LRRC38: variants seen among roughly 807,000 people sequenced by gnomAD.
LRRC38 encodes leucine rich repeat containing 38, also known as leucine-rich repeat-containing protein 38.
In LRRC38, 5 loss-of-function variants were observed where a neutral mutation model predicts 16.4. The observed-to-expected ratio is 0.31, with a 90% CI of 0.16 to 0.64. The LOEUF (loss-of-function observed/expected upper bound fraction) is 0.64, where lower values mean the gene tolerates loss of function less well. Ranked by LOEUF, LRRC38 falls within the 30% of genes least tolerant of loss-of-function variation. The probability of loss-of-function intolerance (pLI) is 0.80; values close to 1 mark genes in which losing one functional copy is unlikely to be tolerated. For synonymous variants in LRRC38, 191 were observed against 190.2 expected (o/e 1.00, Z -0.04); for missense variants, 341 against 401.8 (o/e 0.85, Z 1.29).
intron 1 of LRRC38, among the ~76,000 whole-genome samples, chr1:13,506,507 G>C (rs1056098000): frequency 1.3e-5 from 2 of 152,166 alleles, no homozygotes; most frequent in Non-Finnish European, 2.9e-5. Flanking sequence ...GCCCAGGCTG[G>C]AGTGCAGTGG....
chr1:13,476,305 G>C (rs1331991329), intron 1 of LRRC38, among the ~76,000 whole-genome samples: 1 of 150,450 alleles, frequency 6.6e-6, no homozygotes, highest in Non-Finnish European at 1.5e-5. Context: ...GTTGGAACGT[G>C]CTGGTCTTCA....
chr1:13,492,715 A>G (rs956458263), intron 1 of LRRC38, among the ~76,000 whole-genome samples: 1 of 152,168 alleles, frequency 6.6e-6, no homozygotes, highest in Non-Finnish European at 1.5e-5. Flanking sequence ...AAAGAAAAAA[A>G]AAAGGACTTT....
intron 1 of LRRC38, among the ~76,000 whole-genome samples, chr1:13,493,026 C>T (rs1329487955): frequency 6.6e-6 from 1 of 152,234 alleles, no homozygotes; most frequent in Non-Finnish European, 1.5e-5. Context: ...CTGTGTGCGA[C>T]AGTCATTCCA....
At chr1:13,488,197 C>T (rs1236315542) in intron 1 of LRRC38, among the ~76,000 whole-genome samples, 1 of 151,284 alleles carries the variant, frequency 6.6e-6, no homozygotes, top group Non-Finnish European at 1.5e-5. Context: ...CCATGATTTA[C>T]TTACCCAACC....
Position 13,513,055 on chromosome 1 carries a change from G to A in LRRC38, c.539C>T (p.Ser180Phe). ...CCAGGGGTTCCCGTCCAGACGCAGG[G>A]AGCGCAGCGCGGGCAGCGCGGCCAG... ...AALAALPALR[S>F]LRLDGNPWLC... The change falls in exon 1 of 2, where the codon TCC becomes TTC. Residue 180 changes from serine (S) to phenylalanine (F), a missense_variant. By Grantham distance (155) the Ser-to-Phe change is radical. Coordinates refer to ENST00000376085, the MANE Select transcript of LRRC38 (RefSeq NM_001010847.2). 1 of 1,550,176 alleles carries A rather than the reference G, an allele frequency of 6.5e-7. No homozygotes were observed. The highest frequency in any genetic ancestry group is 1.7e-4 in the Middle Eastern group (1 of 5,988).
chr1:13,500,617 C>T (rs1299527951), intron 1 of LRRC38, among the ~76,000 whole-genome samples: 1 of 152,224 alleles, frequency 6.6e-6, no homozygotes, highest in Non-Finnish European at 1.5e-5. Flanking sequence ...TGACTGATGT[C>T]TCATGTCTTC....
chr1:13,513,558 C>G lies in LRRC38; in HGVS notation c.36G>C (p.Ala12=). The G allele has an allele frequency of 8.1e-7, 1 of 1,233,184 alleles. No homozygotes were observed. Among genetic ancestry groups the G allele is most frequent in the Admixed American group, 4.3e-5 (1 of 23,064 alleles). The allele number at this position is 1,233,184 out of a possible 1,614,324, so 76.4% of individuals were successfully genotyped here. ...GCAGCAGAAGGCTGCAGAGCCCGAG[C>G]GCCGCGGCGGCGCAGGCTGGGGCTC... The part of the protein sequence containing the change: ...RPRAPACAAA[A]LGLCSLLLLL... The change falls in exon 1 of 2, where the codon GCG becomes GCC. Residue 12 remains alanine (A), a synonymous_variant. Coordinates refer to ENST00000376085, the MANE Select transcript of LRRC38 (RefSeq NM_001010847.2).
chr1:13,504,944 G>T (rs934010933), intron 1 of LRRC38, among the ~76,000 whole-genome samples: 4 of 152,162 alleles, frequency 2.6e-5, no homozygotes, highest in African/African-American at 9.7e-5. Flanking sequence ...GCGAGGAAAA[G>T]GGGTGCTGTT....
intron 1 of LRRC38, among the ~76,000 whole-genome samples, chr1:13,510,620 G>A (rs949454910): frequency 7.0e-6 from 1 of 143,318 alleles, no homozygotes; most frequent in African/African-American, 2.5e-5. Context: ...GCTCTGAGCT[G>A]TCTCTGTGAA....
chr1:13,489,477 C>T (rs1367897685), intron 1 of LRRC38, among the ~76,000 whole-genome samples: 7 of 146,588 alleles, frequency 4.8e-5, no homozygotes, highest in Non-Finnish European at 9.0e-5. Context: ...GCCCAGAGAA[C>T]TTGGGCAATT....
rs1372242697 is a variant in LRRC38, at chr1:13,487,086, C to T, written c.632-10987G>A. Reference sequence around the variant, plus strand: ...GGTTCTGCGTTCTCCACCTGCAGACCTGCCCCATTCTCTTCTGAGCCTGCT... The same window carrying T: ...GGTTCTGCGTTCTCCACCTGCAGACTTGCCCCATTCTCTTCTGAGCCTGCT... On this transcript the variant is annotated intron_variant, in intron 1 of 1. Transcript: ENST00000376085. The surrounding 1 kb of genome is among the most constrained non-coding windows in gnomAD (Gnocchi z 4.4). 6.6e-6 allele frequency among the ~76,000 whole-genome samples: 1 copy of T among 152,214 alleles called. No homozygotes were observed. Among genetic ancestry groups the T allele is most frequent in the East Asian group, 1.9e-4 (1 of 5,198 alleles).
chr1:13,508,832 C>T (rs970133520), intron 1 of LRRC38, among the ~76,000 whole-genome samples: 4 of 152,186 alleles, frequency 2.6e-5, no homozygotes, highest in African/African-American at 9.6e-5. Context: ...ACTCCTCATT[C>T]CTCTGACCAA....
chr1:13,481,788 CCTCTCT>C (rs1198744392), intron 1 of LRRC38, among the ~76,000 whole-genome samples: 255 of 34,466 alleles, frequency 7.4e-3, no homozygotes, highest in Middle Eastern at 0.02. Flanking sequence ...TCCCTCTCTC[CCTCTCT>C]CTCTCTCTCT....
intron 1 of LRRC38, among the ~76,000 whole-genome samples, chr1:13,481,788 CCTCTCTCTCTCT>C (rs1198744392): frequency 5.4e-3 from 187 of 34,488 alleles, no homozygotes; most frequent in Non-Finnish European, 6.3e-3. Context: ...TCCCTCTCTC[CCTCTCTCTCTCT>C]CTCTCTCTCT....
At chr1:13,501,072 G>A (rs1639142850) in intron 1 of LRRC38, among the ~76,000 whole-genome samples, 1 of 152,116 alleles carries the variant, frequency 6.6e-6, no homozygotes, top group Middle Eastern at 3.4e-3. Flanking sequence ...ACTTGCTGTG[G>A]GCTTTAGTGA....
At chr1:13,490,760 A>G (rs1041476914) in intron 1 of LRRC38, among the ~76,000 whole-genome samples, 1 of 152,142 alleles carries the variant, frequency 6.6e-6, no homozygotes, top group Non-Finnish European at 1.5e-5. Flanking sequence ...TACCTCCCAT[A>G]GCCTGTCATG....
At chr1:13,491,149 T>A (rs1639007286) in intron 1 of LRRC38, among the ~76,000 whole-genome samples, 1 of 152,114 alleles carries the variant, frequency 6.6e-6, no homozygotes, top group Non-Finnish European at 1.5e-5. Flanking sequence ...CATTTTTGGT[T>A]GTCACACTGG....
intron 1 of LRRC38, among the ~76,000 whole-genome samples, chr1:13,489,336 CA>C (rs1222415149): frequency 6.6e-6 from 1 of 152,238 alleles, no homozygotes; most frequent in Non-Finnish European, 1.5e-5. Context: ...CAAGAAATAA[CA>C]GTAGCTTTTT....
intron 1 of LRRC38, among the ~76,000 whole-genome samples, chr1:13,481,605 C>T (rs1298229354): frequency 6.6e-6 from 1 of 151,516 alleles, no homozygotes; most frequent in Non-Finnish European, 1.5e-5. Context: ...CCGTGTTAGC[C>T]AGGATTGTCT....
Sources: gnomAD v4.1 joint callset for allele counts (sites outside exome capture counted in the v4.1 genomes callset) on GRCh38, gnomAD v4.1.1 for gene constraint, Gnocchi (gnomAD v3.1) non-coding constraint, MANE v1.5 for transcripts, NCBI Gene and HGNC (gene_info 2026-07-23, HGNC 2026-07-21) for gene names.